AGAP1: variants seen among roughly 807,000 people sequenced by gnomAD.
AGAP1 encodes the protein ArfGAP with GTPase domain, ankyrin repeat and PH domain 1.
In AGAP1, 29 loss-of-function variants were observed where a neutral mutation model predicts 105.3. The ratio of observed to expected loss-of-function variants is 0.28; its 90% CI spans 0.21 to 0.38. AGAP1 has a LOEUF of 0.38. AGAP1 is among the 10% of genes least tolerant of loss of function. The pLI is 1.00. For missense variants in AGAP1, 998 were observed against 1,165.1 expected (o/e 0.86, Z 2.09); for synonymous variants, 509 against 485.9 (o/e 1.05, Z -0.63).
In AGAP1 at chr2:235,557,173, G is replaced by A. The variant is rs567630585; in HGVS notation, c.163+62324G>A. ...GCTTCCATAGCAGAGCCTGTGGGACGTGAACCACCATTCATGATCCTGGGA... is the reference window on the plus strand; with the variant it reads ...GCTTCCATAGCAGAGCCTGTGGGACATGAACCACCATTCATGATCCTGGGA... On this transcript the variant is annotated intron_variant, in intron 1 of 17. Transcript: ENST00000304032. The surrounding 1 kb of genome is among the most constrained non-coding windows in gnomAD (Gnocchi z 4.7). Among the ~76,000 whole-genome samples, 59 of 152,102 alleles carry A rather than the reference G, an allele frequency of 3.9e-4. No individual in the cohort carries two copies. Among genetic ancestry groups the A allele is most frequent in the Non-Finnish European group, 7.1e-4 (48 of 68,000 alleles).
chr2:235,697,246 A>G (rs1370107203), intron 1 of AGAP1, among the ~76,000 whole-genome samples: 2 of 152,206 alleles, frequency 1.3e-5, no homozygotes, highest in Non-Finnish European at 2.9e-5. Context: ...CAAGAGGCTA[A>G]GTGACTCGCA....
At chr2:236,077,177 G>A (rs553296457) in intron 16 of AGAP1, among the ~76,000 whole-genome samples, 8 of 144,596 alleles carry the variant, frequency 5.5e-5, no homozygotes, top group South Asian at 2.2e-4. Flanking sequence ...TCCAACCCCC[G>A]AGAGATAATC....
rs1242515259 is a variant in AGAP1 at position 235,930,473 on chromosome 2, T to TGTTGCG, written c.1325-281_1325-276dup. Among the ~76,000 whole-genome samples, 1 of 152,220 alleles carries TGTTGCG rather than the reference T, an allele frequency of 6.6e-6. No homozygotes were observed. The highest frequency in any genetic ancestry group is 1.5e-5 in the Non-Finnish European group (1 of 68,046). ...GTCTTTTGTCTTCACTTCCACTCGA[T>TGTTGCG]GTTGCGGTTGCGGTTGGGTTGCGTC... On this transcript the variant is annotated intron_variant, in intron 11 of 17. Transcript: ENST00000304032. The surrounding 1 kb of genome is among the most constrained non-coding windows in gnomAD (Gnocchi z 7.9).
intron 1 of AGAP1, 86 bp downstream of exon 1, chr2:235,494,935 C>T: frequency 1.5e-6 from 2 of 1,321,592 alleles, no homozygotes; most frequent in Non-Finnish European, 2.0e-6. Context: ...TGCGGGTGTC[C>T]ACACACGCCG....
At chr2:236,026,596 G>T (rs2057063186) in intron 13 of AGAP1, among the ~76,000 whole-genome samples, 1 of 152,286 alleles carries the variant, frequency 6.6e-6, no homozygotes, top group African/African-American at 2.4e-5. Flanking sequence ...GGGCGTGGTG[G>T]CAGGCGCCTG....
intron 1 of AGAP1, among the ~76,000 whole-genome samples, chr2:235,565,505 G>T (rs910284121): frequency 6.6e-6 from 1 of 152,202 alleles, no homozygotes; most frequent in African/African-American, 2.4e-5. Context: ...CCTACGAAAG[G>T]TGGGGCGGGG....
chr2:236,086,916 C>G (rs2058944333), intron 16 of AGAP1, among the ~76,000 whole-genome samples: 1 of 151,398 alleles, frequency 6.6e-6, no homozygotes, highest in Non-Finnish European at 1.5e-5. Flanking sequence ...TCCCCGCTCC[C>G]TCCCTGGTTG....
intron 13 of AGAP1, among the ~76,000 whole-genome samples, chr2:236,011,803 C>T (rs1261244932): frequency 6.6e-6 from 1 of 152,048 alleles, no homozygotes; most frequent in Non-Finnish European, 1.5e-5. Context: ...CGAGAATCGC[C>T]TTTTATTCCA....
In AGAP1 at chr2:236,058,418, G is replaced by A. The variant is rs10167386; in HGVS notation, c.2114+9137G>A. 0.028 allele frequency among the ~76,000 whole-genome samples: 4,263 copies of A among 152,230 alleles called. 199 individuals carry two copies. Among genetic ancestry groups the A allele is most frequent in the African/African-American group, 0.098 (4,059 of 41,526 alleles). On this transcript the variant is annotated intron_variant, in intron 16 of 17. Transcript: ENST00000304032. The surrounding 1 kb of genome is among the most constrained non-coding windows in gnomAD (Gnocchi z 4.6). ...AATGCAAGGAAGGCAAGGTTGGTTCGACACGCAAAAATCAATCAATGTGAT... is the reference window on the plus strand; with the variant it reads ...AATGCAAGGAAGGCAAGGTTGGTTCAACACGCAAAAATCAATCAATGTGAT...
chr2:235,894,697 A>G (rs576276124), intron 10 of AGAP1, among the ~76,000 whole-genome samples: 1 of 152,306 alleles, frequency 6.6e-6, no homozygotes, highest in Non-Finnish European at 1.5e-5. Flanking sequence ...AAGTAAAGGC[A>G]TTGGAACTTT....
chr2:235,908,858 A>T lies in AGAP1; in HGVS notation c.1276A>T (p.Asn426Tyr). ...ACAPISSPKTNGLSKDMSSLH... is the reference protein window; with the variant it reads ...ACAPISSPKTYGLSKDMSSLH... ...CGCACCCATCTCCAGCCCTAAAACC[A>T]ATGGCCTATCCAAGGACATGAGCAG... Residue 426 changes from asparagine (N) to tyrosine (Y), a missense_variant, in exon 11 of 18, where the codon AAT becomes TAT. Transcript: ENST00000304032. The surrounding 1 kb of genome is among the most constrained non-coding windows in gnomAD (Gnocchi z 4.4). 1 of 1,614,130 alleles carries T rather than the reference A, an allele frequency of 6.2e-7. No homozygotes were observed. The highest frequency in any genetic ancestry group is 8.5e-7 in the Non-Finnish European group (1 of 1,180,022).
chr2:236,063,475 A>T (rs1396778045), intron 16 of AGAP1, among the ~76,000 whole-genome samples: 1 of 152,212 alleles, frequency 6.6e-6, no homozygotes, highest in African/African-American at 2.4e-5. Flanking sequence ...CATTGGGAGG[A>T]TGATGAGGCC....
chr2:235,569,987 A>C lies in AGAP1; in HGVS notation c.163+75138A>C, dbSNP rs1285719814. Among the ~76,000 whole-genome samples, 1 of 152,114 alleles carries C rather than the reference A, an allele frequency of 6.6e-6. No individual in the cohort carries two copies. Among genetic ancestry groups the C allele is most frequent in the Non-Finnish European group, 1.5e-5 (1 of 68,030 alleles). The stretch of plus-strand genomic sequence containing the variant: ...GTGTGACTGGCCCGGGATCCAAATT[A>C]TTTGCAGCGCCTGTCGTCTTTGTTA... On this transcript the variant is annotated intron_variant, in intron 1 of 17. Coordinates refer to ENST00000304032, the MANE Select transcript of AGAP1 (RefSeq NM_001037131.3). This position sits in a 1 kb window ranked among gnomAD's most constrained non-coding sequence, Gnocchi z 5.9.
intron 13 of AGAP1, among the ~76,000 whole-genome samples, chr2:235,969,566 A>G (rs1050541051): frequency 1.5e-4 from 23 of 152,238 alleles, no homozygotes; most frequent in African/African-American, 4.8e-4. Flanking sequence ...TATGGCTGCC[A>G]TGCTTTTTCC....
rs922494465 is a variant in AGAP1 at position 235,824,629 on chromosome 2, G to A, written c.1050+17298G>A. Reference sequence around the variant, plus strand: ...TGTTAATTGATTTGGTGATTCCCTCGGGTCTGCATGCTCCTTTTCCCCCTT... The same window carrying A: ...TGTTAATTGATTTGGTGATTCCCTCAGGTCTGCATGCTCCTTTTCCCCCTT... On this transcript the variant is annotated intron_variant, in intron 9 of 17. Coordinates refer to ENST00000304032, the MANE Select transcript of AGAP1 (RefSeq NM_001037131.3). This position sits in a 1 kb window ranked among gnomAD's most constrained non-coding sequence, Gnocchi z 5.2. Among the ~76,000 whole-genome samples the A allele has an allele frequency of 1.3e-5, 2 of 152,128 alleles. No homozygotes were observed. The highest frequency in any genetic ancestry group is 2.9e-5 in the Non-Finnish European group (2 of 68,024).
chr2:235,749,315 G>A (rs1953232041), intron 5 of AGAP1, among the ~76,000 whole-genome samples: 1 of 151,706 alleles, frequency 6.6e-6, no homozygotes, highest in Non-Finnish European at 1.5e-5. Context: ...ACGTGCCACT[G>A]TAACTCAATA....
In AGAP1 at chr2:236,123,099, G is replaced by A. The variant is rs1231802213; in HGVS notation, c.2371-820G>A. ...TGCTTTTTGAGGGGTGGGGAGACAG[G>A]GTCTCACTCTGTTGCCCAGGCTGGA... On this transcript the variant is annotated intron_variant, in intron 17 of 17. Coordinates refer to ENST00000304032, the MANE Select transcript of AGAP1 (RefSeq NM_001037131.3). This position sits in a 1 kb window ranked among gnomAD's most constrained non-coding sequence, Gnocchi z 4.6. Among the ~76,000 whole-genome samples the A allele has an allele frequency of 1.3e-5, 2 of 150,478 alleles. No homozygotes were observed. Among genetic ancestry groups the A allele is most frequent in the Admixed American group, 1.3e-4 (2 of 15,126 alleles).
At position 235,842,901 on chromosome 2, in the gene AGAP1, A is replaced by G. The variant is rs1365979731; in HGVS notation, c.1050+35570A>G. Among the ~76,000 whole-genome samples the G allele has an allele frequency of 6.6e-6, 1 of 151,912 alleles. No homozygotes were observed. The highest frequency in any genetic ancestry group is 1.5e-5 in the Non-Finnish European group (1 of 67,978). ...TGCCACCATGCCCAGCTAATTTTGTATTTTTGGTAGAGATGGGGTTTCACC... is the reference window on the plus strand; with the variant it reads ...TGCCACCATGCCCAGCTAATTTTGTGTTTTTGGTAGAGATGGGGTTTCACC... On this transcript the variant is annotated intron_variant, in intron 9 of 17. Coordinates refer to ENST00000304032, the MANE Select transcript of AGAP1 (RefSeq NM_001037131.3). This position sits in a 1 kb window ranked among gnomAD's most constrained non-coding sequence, Gnocchi z 5.3.
intron 1 of AGAP1, among the ~76,000 whole-genome samples, chr2:235,604,623 C>T (rs1454201552): frequency 1.8e-5 from 2 of 112,212 alleles, no homozygotes; most frequent in Non-Finnish European, 3.3e-5. Flanking sequence ...CGCTCTGTTG[C>T]CCAGGCTGGA....
Sources: gnomAD v4.1 joint callset for allele counts (sites outside exome capture counted in the v4.1 genomes callset) on GRCh38, gnomAD v4.1.1 for gene constraint, Gnocchi (gnomAD v3.1) non-coding constraint, MANE v1.5 for transcripts, NCBI Gene and HGNC (gene_info 2026-07-23, HGNC 2026-07-21) for gene names.